Variants in LRMDA observed in about 807,000 individuals in gnomAD.
LRMDA encodes leucine rich melanocyte differentiation associated, also known as leucine-rich melanocyte differentiation-associated protein.
Under a neutral mutation model 29.8 loss-of-function variants are expected in LRMDA, and 18 were observed. That is an observed-to-expected ratio of 0.60 (90% confidence interval 0.42 to 0.90). LRMDA has a LOEUF of 0.90. LRMDA is among the 40% of genes least tolerant of loss of function. The pLI is 0.00. For missense variants in LRMDA, 273 were observed against 273.9 expected, an observed-to-expected ratio of 1.00 and a Z score of 0.02; for synonymous variants, 125 against 109.4, an observed-to-expected ratio of 1.14 and a Z score of -0.89.
At chr10:76,399,583 T>G (rs1841826281) in intron 6 of LRMDA, among the ~76,000 whole-genome samples, 1 of 152,220 alleles carries the variant, frequency 6.6e-6, no homozygotes, top group Admixed American at 6.5e-5. Context: ...AATTTAGCAT[T>G]GCTAAGTATA....
At chr10:75,915,129 T>TTC (rs1845909378) in intron 2 of LRMDA, among the ~76,000 whole-genome samples, 1 of 131,922 alleles carries the variant, frequency 7.6e-6, no homozygotes, top group African/African-American at 3.1e-5. Context: ...TCTTTTTTTT[T>TTC]TTTTTTTTTT....
At chr10:75,519,248 T>C (rs1331099957) in intron 2 of LRMDA, among the ~76,000 whole-genome samples, 1 of 152,234 alleles carries the variant, frequency 6.6e-6, no homozygotes. Flanking sequence ...GTTCATGTCC[T>C]GGATATCCCT....
At chr10:75,647,073 C>T (rs1841530909) in intron 2 of LRMDA, among the ~76,000 whole-genome samples, 1 of 85,352 alleles carries the variant, frequency 1.2e-5, no homozygotes, top group Non-Finnish European at 3.7e-5. Context: ...GGAGATGGAG[C>T]TTGCCCAACG....
At chr10:75,706,247 T>TC (rs1842366949) in intron 2 of LRMDA, among the ~76,000 whole-genome samples, 1 of 152,190 alleles carries the variant, frequency 6.6e-6, no homozygotes, top group African/African-American at 2.4e-5. Context: ...TCACATATTT[T>TC]TTTTTTGCCA....
chr10:75,663,243 C>T (rs113685659), intron 2 of LRMDA, among the ~76,000 whole-genome samples: 2,144 of 152,248 alleles, frequency 0.014, 10 homozygotes, highest in Non-Finnish European at 0.02. Flanking sequence ...TCCTCCTCCC[C>T]GCCCTTAATG....
At chr10:75,864,437 G>T (rs1589233365) in intron 2 of LRMDA, among the ~76,000 whole-genome samples, 1 of 152,068 alleles carries the variant, frequency 6.6e-6, no homozygotes, top group East Asian at 1.9e-4. Context: ...GGGAACCTCA[G>T]GCTCCCTGGA....
intron 2 of LRMDA, among the ~76,000 whole-genome samples, chr10:75,674,563 G>A (rs562680033): frequency 6.6e-6 from 1 of 152,140 alleles, no homozygotes; most frequent in South Asian, 2.1e-4. Context: ...TACTGTTTGA[G>A]CCTTCTGCCT....
chr10:76,358,343 AG>A (rs1165539431), intron 6 of LRMDA, among the ~76,000 whole-genome samples: 1 of 152,244 alleles, frequency 6.6e-6, no homozygotes, highest in Non-Finnish European at 1.5e-5. Flanking sequence ...TTTTAACCTT[AG>A]GATGTCCAGA....
At chr10:76,518,863 A>G (rs1006617008) in intron 6 of LRMDA, among the ~76,000 whole-genome samples, 3 of 152,236 alleles carry the variant, frequency 2.0e-5, no homozygotes, top group South Asian at 2.1e-4. Context: ...GAGAACACAC[A>G]TTCTTAAGCA....
At chr10:75,724,779 G>A (rs1006637434) in intron 2 of LRMDA, among the ~76,000 whole-genome samples, 1 of 152,136 alleles carries the variant, frequency 6.6e-6, no homozygotes, top group African/African-American at 2.4e-5. Context: ...GGAGAGTGTC[G>A]GCTGTTTTGT....
chr10:76,188,437 C>T (rs1851185354), intron 5 of LRMDA, among the ~76,000 whole-genome samples: 1 of 152,054 alleles, frequency 6.6e-6, no homozygotes, highest in Admixed American at 6.6e-5. Context: ...TTTATTAGAC[C>T]CTTCTTGTTG....
At chr10:76,300,747 T>G (rs1323788318) in intron 5 of LRMDA, among the ~76,000 whole-genome samples, 1 of 152,204 alleles carries the variant, frequency 6.6e-6, no homozygotes, top group Non-Finnish European at 1.5e-5. Context: ...AACAGTTTAC[T>G]CCTCTCAACA....
intron 6 of LRMDA, among the ~76,000 whole-genome samples, chr10:76,352,862 G>T (rs1459675855): frequency 6.6e-6 from 1 of 152,064 alleles, no homozygotes; most frequent in Non-Finnish European, 1.5e-5. Context: ...GGTCAGATGG[G>T]AGGATGTTCT....
intron 5 of LRMDA, among the ~76,000 whole-genome samples, chr10:76,173,383 A>G (rs1451543450): frequency 6.6e-6 from 1 of 152,214 alleles, no homozygotes; most frequent in Non-Finnish European, 1.5e-5. Context: ...GAAAAGCAAA[A>G]GAGAAAAATC....
Position 76,158,818 on chromosome 10 carries a change from C to T in LRMDA, c.516+100035C>T, listed in dbSNP as rs148883763. On this transcript the variant is annotated intron_variant, in intron 5 of 6. Coordinates refer to ENST00000611255, the MANE Select transcript of LRMDA (RefSeq NM_001305581.2). Reference sequence around the variant, plus strand: ...GAAATTCTCATACATATGTATATGTCCTAAAGAAGCTTGGATATATTCATA... The same window carrying T: ...GAAATTCTCATACATATGTATATGTTCTAAAGAAGCTTGGATATATTCATA... 8.5e-5 allele frequency among the ~76,000 whole-genome samples: 13 copies of T among 152,048 alleles called. No individual in the cohort carries two copies. In the East Asian group the frequency reaches 2.5e-3, roughly 29 times the overall value.
intron 6 of LRMDA, among the ~76,000 whole-genome samples, chr10:76,407,777 T>C (rs893546944): frequency 6.6e-6 from 1 of 152,220 alleles, no homozygotes; most frequent in African/African-American, 2.4e-5. Flanking sequence ...AATAAATGAC[T>C]TCATATAGGT....
chr10:76,303,748 G>A (rs1367501928), intron 5 of LRMDA, among the ~76,000 whole-genome samples: 2 of 139,124 alleles, frequency 1.4e-5, no homozygotes, highest in Non-Finnish European at 3.1e-5. Context: ...GTTTTTTAAT[G>A]TGCACATTTA....
chr10:75,949,123 G>T (rs917665141), intron 2 of LRMDA, among the ~76,000 whole-genome samples: 2 of 152,052 alleles, frequency 1.3e-5, no homozygotes, highest in Non-Finnish European at 2.9e-5. Context: ...CTAGCATGAG[G>T]CCTGAAGAAG....
At chr10:76,321,791 A>C (rs10762711) in intron 5 of LRMDA, among the ~76,000 whole-genome samples, 39,001 of 151,974 alleles carry the variant, frequency 0.26, 6,426 homozygotes, top group African/African-American at 0.45. Context: ...CTAAAAATGC[A>C]AAAATTAGCT....
Sources: allele counts gnomAD v4.1 joint callset (sites outside exome capture counted in the v4.1 genomes callset), GRCh38; gene constraint gnomAD v4.1.1; transcripts MANE v1.5; gene names NCBI Gene and HGNC (gene_info 2026-07-23, HGNC 2026-07-21).